Variants in AGBL4 observed in about 807,000 individuals in gnomAD.
AGBL4 encodes the protein AGBL carboxypeptidase 4.
In AGBL4, 58 loss-of-function variants were observed where a neutral mutation model predicts 66.4. The ratio of observed to expected loss-of-function variants is 0.87; its 90% CI spans 0.71 to 1.09. The LOEUF (loss-of-function observed/expected upper bound fraction) is 1.09, where lower values mean the gene tolerates loss of function less well. Among genes scored for constraint, AGBL4 ranks in the 50% least tolerant of loss-of-function variants. AGBL4 has a pLI of 0.00. For missense variants in AGBL4, 579 were observed against 631.0 expected (o/e 0.92, Z 0.88); for synonymous variants, 234 against 222.9 (o/e 1.05, Z -0.44).
chr1:49,120,372 T>G (rs1645627469), intron 4 of AGBL4, among the ~76,000 whole-genome samples: 1 of 152,170 alleles, frequency 6.6e-6, no homozygotes. Context: ...CAGGCCTGTT[T>G]GTGACAAAAT....
intron 2 of AGBL4, among the ~76,000 whole-genome samples, chr1:49,824,061 T>C (rs948904150): frequency 1.4e-4 from 21 of 151,688 alleles, no homozygotes; most frequent in Non-Finnish European, 2.7e-4. Context: ...AAACAAAAAT[T>C]AGCCAGGTGT....
At chr1:49,982,218 G>C (rs1432363603) in intron 1 of AGBL4, among the ~76,000 whole-genome samples, 1 of 152,238 alleles carries the variant, frequency 6.6e-6, no homozygotes, top group African/African-American at 2.4e-5. Flanking sequence ...TAGAGCCCCT[G>C]CTGCCATGGT....
At chr1:49,055,274 T>C (rs541607496) in intron 4 of AGBL4, among the ~76,000 whole-genome samples, 1 of 152,112 alleles carries the variant, frequency 6.6e-6, no homozygotes, top group South Asian at 2.1e-4. Context: ...TGATAAATTT[T>C]GTTTTATTAA....
chr1:49,086,983 C>T (rs1391977165), intron 4 of AGBL4, among the ~76,000 whole-genome samples: 2 of 151,878 alleles, frequency 1.3e-5, no homozygotes, highest in Non-Finnish European at 2.9e-5. Context: ...CTGAACCCCA[C>T]CTTATACCAC....
intron 4 of AGBL4, among the ~76,000 whole-genome samples, chr1:49,190,046 CAA>C (rs1449882781): frequency 6.6e-6 from 1 of 152,128 alleles, no homozygotes; most frequent in Non-Finnish European, 1.5e-5. Flanking sequence ...ACAATTTCTT[CAA>C]GAGAGTCAGG....
At chr1:48,954,489 G>A (rs1344094771) in intron 5 of AGBL4, among the ~76,000 whole-genome samples, 2 of 152,150 alleles carry the variant, frequency 1.3e-5, no homozygotes, top group Non-Finnish European at 2.9e-5. Flanking sequence ...CTGCCCAAGA[G>A]CACAGAGCAA....
intron 1 of AGBL4, among the ~76,000 whole-genome samples, chr1:49,895,941 TA>T (rs34539823): frequency 0.68 from 91,118 of 133,890 alleles, 29,903 homozygotes; most frequent in Middle Eastern, 0.75. Flanking sequence ...CTGAATGGGG[TA>T]AAAAAAAAAA....
chr1:49,629,813 G>T (rs1645535966), intron 3 of AGBL4, among the ~76,000 whole-genome samples: 1 of 152,080 alleles, frequency 6.6e-6, no homozygotes, highest in Non-Finnish European at 1.5e-5. Context: ...AAGAAACATG[G>T]CCACCTCTTC....
intron 8 of AGBL4, among the ~76,000 whole-genome samples, chr1:48,646,275 T>C (rs1645833644): frequency 6.6e-6 from 1 of 152,084 alleles, no homozygotes; most frequent in East Asian, 1.9e-4. Flanking sequence ...GGAAGGAGGC[T>C]CAGAGTGATG....
chr1:49,270,396 C>T (rs773560570), intron 3 of AGBL4, among the ~76,000 whole-genome samples: 1 of 152,118 alleles, frequency 6.6e-6, no homozygotes, highest in Admixed American at 6.5e-5. Flanking sequence ...TGGCTGGGTA[C>T]CCAAACACAC....
intron 3 of AGBL4, among the ~76,000 whole-genome samples, chr1:49,674,571 TACACACACAC>T (rs139707283): frequency 2.3e-4 from 33 of 143,788 alleles, no homozygotes; most frequent in African/African-American, 6.3e-4. Context: ...AAGAATAAAA[TACACACACAC>T]ACACACACAC....
chr1:49,293,247 C>T (rs553158310), intron 3 of AGBL4, among the ~76,000 whole-genome samples: 1 of 152,320 alleles, frequency 6.6e-6, no homozygotes, highest in Non-Finnish European at 1.5e-5. Context: ...TGGTCGGACT[C>T]CATGCTCACT....
intron 3 of AGBL4, among the ~76,000 whole-genome samples, chr1:49,431,967 G>A (rs1287937199): frequency 6.6e-6 from 1 of 152,110 alleles, no homozygotes; most frequent in East Asian, 1.9e-4. Flanking sequence ...AGTCTGGGAT[G>A]TAACAAAAGC....
intron 3 of AGBL4, among the ~76,000 whole-genome samples, chr1:49,292,297 G>A (rs571377667): frequency 1.3e-5 from 2 of 152,330 alleles, no homozygotes; most frequent in South Asian, 2.1e-4. Context: ...GGCACCTAAA[G>A]CCTGGATGTC....
intron 2 of AGBL4, chr1:49,845,171 A>C (rs1571699583): frequency 7.1e-7 from 1 of 1,414,996 alleles, no homozygotes; most frequent in East Asian, 2.3e-5. Context: ...GAATGTCACA[A>C]ATGAGGAAAA....
chr1:49,423,929 T>G (rs913802639), intron 3 of AGBL4, among the ~76,000 whole-genome samples: 2 of 151,806 alleles, frequency 1.3e-5, no homozygotes, highest in African/African-American at 4.8e-5. Context: ...GCAAAATCCC[T>G]AATGTCAATG....
intron 1 of AGBL4, among the ~76,000 whole-genome samples, chr1:49,948,567 ATAT>A (rs1557610180): frequency 4.3e-4 from 20 of 46,766 alleles, no homozygotes; most frequent in Admixed American, 1.2e-3. Context: ...ATATAAAAAT[ATAT>A]ATATATATAT....
intron 3 of AGBL4, among the ~76,000 whole-genome samples, chr1:49,310,319 C>T (rs954669174): frequency 6.6e-6 from 1 of 151,938 alleles, no homozygotes; most frequent in East Asian, 1.9e-4. Context: ...AAAAGAATAG[C>T]CCTGATTACT....
At chr1:49,129,414 T>G (rs1042461739) in intron 4 of AGBL4, among the ~76,000 whole-genome samples, 3 of 151,738 alleles carry the variant, frequency 2.0e-5, no homozygotes, top group African/African-American at 7.3e-5. Flanking sequence ...CTGCACCCAT[T>G]AACTCGTCAT....
Sources: gnomAD v4.1 joint callset for allele counts (sites outside exome capture counted in the v4.1 genomes callset) on GRCh38, gnomAD v4.1.1 for gene constraint, MANE v1.5 for transcripts, NCBI Gene and HGNC (gene_info 2026-07-23, HGNC 2026-07-21) for gene names.